CLMN: variants seen among roughly 807,000 people sequenced by gnomAD.
CLMN encodes the protein calmin (calponin-like, transmembrane).
A neutral mutation model predicts 92.7 loss-of-function variants in CLMN; 57 were observed. That is an observed-to-expected ratio of 0.61 (90% CI 0.50 to 0.77). CLMN has a LOEUF of 0.77. CLMN is among the 30% of genes least tolerant of loss of function. The pLI, the probability that CLMN is intolerant of heterozygous loss-of-function variation, is 0.00. For synonymous variants in CLMN, 466 were observed against 470.6 expected (o/e 0.99, Z 0.13); for missense variants, 1,158 against 1,237.5 (o/e 0.94, Z 0.96).
chr14:95,203,872 T>C lies in CLMN; in HGVS notation c.1477A>G (p.Ile493Val), dbSNP rs1000450405. Residue 493 changes from isoleucine to valine, a missense_variant, in exon 9 of 13, where the codon ATT becomes GTT. Physicochemically the swap from Ile to Val is conservative, Grantham distance 29. Transcript: ENST00000298912. ...TTGTTTGTGCCCTCCACCAAAAAAA[T>C]GTCACCAGCGACCTTGTCAGAGGAG... is the stretch of plus-strand genomic sequence containing the variant. ...ESSSDKVAGDIFLVEGTNNNS... is the reference protein window; with the variant it reads ...ESSSDKVAGDVFLVEGTNNNS... 9 of 1,614,060 alleles carry C rather than the reference T, an allele frequency of 5.6e-6. No homozygotes were observed. The highest frequency in any genetic ancestry group is 7.6e-6 in the Non-Finnish European group (9 of 1,180,032).
rs1037563421 is a variant in CLMN at position 95,259,219 on chromosome 14, C to T, written c.83-29086G>A. Among the ~76,000 whole-genome samples the T allele has an allele frequency of 1.3e-5, 2 of 152,028 alleles. No individual in the cohort carries two copies. The highest frequency in any genetic ancestry group is 4.8e-5 in the African/African-American group (2 of 41,342). On this transcript the variant is annotated intron_variant, in intron 1 of 12. Transcript: ENST00000298912. The surrounding 1 kb of genome is among the most constrained non-coding windows in gnomAD (Gnocchi z 4.3). ...CAGCAGGGCTAGGAAAGCAGTGGGC[C>T]GGCCTCCTAGTGTCAGAGGTATAGA...
At position 95,194,038 on chromosome 14, in the gene CLMN, T is replaced by C; in HGVS notation, c.2770-119A>G. 2 of 1,502,176 alleles carry C rather than the reference T, an allele frequency of 1.3e-6. No homozygotes were observed. The highest frequency in any genetic ancestry group is 1.4e-5 in the African/African-American group (1 of 71,088). The allele number at this position is 1,502,176 out of a possible 1,614,324, so 93.1% of individuals were successfully genotyped here. On this transcript the variant is annotated intron_variant, in intron 11 of 12. Transcript: ENST00000298912. This position sits in a 1 kb window ranked among gnomAD's most constrained non-coding sequence, Gnocchi z 4.0. The stretch of plus-strand genomic sequence containing the variant: ...GCCGAGCATGCCGGGCATTTCTCAA[T>C]ACCGCCAGCGTCTAGATCCAAAATC...
rs1896514915 is a variant in CLMN, at chr14:95,189,532, T to C, written c.*2032A>G. On this transcript the variant is annotated 3_prime_UTR_variant, in exon 13 of 13. Transcript: ENST00000298912. The stretch of plus-strand genomic sequence containing the variant: ...GACTTTCAGGCATCTTGCCAGTAGA[T>C]GTTTTAAACAATATTACAAGTTGTA... 6.6e-6 allele frequency: 1 copy of C among 152,194 alleles called. No homozygotes were observed. Among genetic ancestry groups the C allele is most frequent in the South Asian group, 2.1e-4 (1 of 4,828 alleles). The allele number at this position is 152,194 out of a possible 1,614,324, so 9.4% of individuals were successfully genotyped here.
At chr14:95,289,018 A>T (rs528747747) in intron 1 of CLMN, among the ~76,000 whole-genome samples, 1 of 152,190 alleles carries the variant, frequency 6.6e-6, no homozygotes, top group African/African-American at 2.4e-5. Context: ...TGGGAATCAC[A>T]ATAGGGGTTA....
chr14:95,296,520 A>G (rs1028951932), intron 1 of CLMN, among the ~76,000 whole-genome samples: 5 of 152,178 alleles, frequency 3.3e-5, no homozygotes, highest in African/African-American at 1.2e-4. Context: ...TTCCTGTGCA[A>G]TTAATCACAA....
chr14:95,271,765 C>G (rs1219899555), intron 1 of CLMN, among the ~76,000 whole-genome samples: 1 of 152,232 alleles, frequency 6.6e-6, no homozygotes, highest in Non-Finnish European at 1.5e-5. Context: ...ATCAAGAATA[C>G]AGAACATTTG....
chr14:95,263,898 G>T (rs1424508029), intron 1 of CLMN, among the ~76,000 whole-genome samples: 1 of 152,144 alleles, frequency 6.6e-6, no homozygotes. Flanking sequence ...GTCGGTTATG[G>T]TCATTGTCAC....
At chr14:95,245,198 T>TA (rs1898440904) in intron 1 of CLMN, among the ~76,000 whole-genome samples, 1 of 34,620 alleles carries the variant, frequency 2.9e-5, no homozygotes, top group Non-Finnish European at 4.6e-5. Context: ...ATATATAATA[T>TA]ATATATATAT....
At chr14:95,300,786 G>A (rs753443282) in intron 1 of CLMN, among the ~76,000 whole-genome samples, 4 of 152,154 alleles carry the variant, frequency 2.6e-5, no homozygotes, top group Non-Finnish European at 4.4e-5. Flanking sequence ...ATTATATCCC[G>A]ATGAGACCGG....
chr14:95,303,180 G>C (rs1002453260), intron 1 of CLMN, among the ~76,000 whole-genome samples: 1 of 152,216 alleles, frequency 6.6e-6, no homozygotes, highest in Non-Finnish European at 1.5e-5. Context: ...TCTCCCCTCA[G>C]GGAGCCTGTG....
chr14:95,242,945 T>C (rs1898313440), intron 1 of CLMN, among the ~76,000 whole-genome samples: 1 of 152,072 alleles, frequency 6.6e-6, no homozygotes, highest in Non-Finnish European at 1.5e-5. Context: ...AAGCTAGAGG[T>C]TGGCAATTTT....
intron 9 of CLMN, 79 bp downstream of exon 9, chr14:95,202,759 C>A (rs1204118463): frequency 1.4e-6 from 2 of 1,414,706 alleles, no homozygotes; most frequent in Non-Finnish European, 1.9e-6. Context: ...TTTTATGGAG[C>A]AAGAAGCTGA....
At chr14:95,248,237 T>C (rs1313630310) in intron 1 of CLMN, among the ~76,000 whole-genome samples, 3 of 152,308 alleles carry the variant, frequency 2.0e-5, no homozygotes, top group Middle Eastern at 3.4e-3. Flanking sequence ...AAAATCATTG[T>C]ATTCTGAAAG....
At chr14:95,244,857 A>G (rs1385976401) in intron 1 of CLMN, among the ~76,000 whole-genome samples, 1 of 151,642 alleles carries the variant, frequency 6.6e-6, no homozygotes, top group African/African-American at 2.4e-5. Flanking sequence ...GGCTGCTGCA[A>G]ATATTCAGGA....
chr14:95,213,533 A>C, intron 5 of CLMN, 124 bp from the exon 6 acceptor site: 3 of 813,286 alleles, frequency 3.7e-6, no homozygotes, highest in Non-Finnish European at 5.7e-6. Flanking sequence ...TGCTTCTCTG[A>C]ATGCAGAGAA....
At chr14:95,308,154 C>A (rs1243680814) in intron 1 of CLMN, among the ~76,000 whole-genome samples, 2 of 152,196 alleles carry the variant, frequency 1.3e-5, no homozygotes, top group African/African-American at 4.8e-5. Context: ...GAGATCCACC[C>A]CGGGGAATCA....
In CLMN at chr14:95,185,252, T is replaced by C. The variant is rs3829946; in HGVS notation, c.*6312A>G. 0.45 allele frequency: 68,394 copies of C among 152,146 alleles called. 17,210 individuals carry two copies. The highest frequency in any genetic ancestry group is 0.69 in the African/African-American group (28,695 of 41,490). The allele number at this position is 152,146 out of a possible 1,614,324, so 9.4% of individuals were successfully genotyped here. A position where few individuals can be genotyped will look rare whatever the true frequency, so the allele number is the denominator to read the frequency against. On this transcript the variant is annotated 3_prime_UTR_variant, in exon 13 of 13. Coordinates refer to ENST00000298912, the MANE Select transcript of CLMN (RefSeq NM_024734.4). ...CTTCCATGAGCTGCTGACTGCTGTT[T>C]TCCAAGGAAATGCCTGATGAGAGCA... is the stretch of plus-strand genomic sequence containing the variant.
intron 1 of CLMN, among the ~76,000 whole-genome samples, chr14:95,299,574 G>A (rs1038148946): frequency 8.5e-5 from 13 of 152,138 alleles, no homozygotes; most frequent in African/African-American, 2.7e-4. Flanking sequence ...ACCTGTCCAC[G>A]CCCACTAGGA....
intron 1 of CLMN, among the ~76,000 whole-genome samples, chr14:95,269,008 T>C (rs959345844): frequency 2.6e-5 from 4 of 151,942 alleles, no homozygotes; most frequent in Non-Finnish European, 5.9e-5. Flanking sequence ...TTCACCATAT[T>C]AGCCAGGCTG....
Sources: allele counts gnomAD v4.1 joint callset (sites outside exome capture counted in the v4.1 genomes callset), GRCh38; gene constraint gnomAD v4.1.1; non-coding constraint Gnocchi (gnomAD v3.1); transcripts MANE v1.5; gene names NCBI Gene and HGNC (gene_info 2026-07-23, HGNC 2026-07-21).